The following ABITRAM variants were observed in gnomAD, a reference collection of about 807,000 sequenced individuals.
The protein encoded by ABITRAM is actin binding transcription modulator.
Under a neutral mutation model 22.9 loss-of-function variants are expected in ABITRAM, and 19 were observed. The observed-to-expected ratio is 0.83, with a 90% CI of 0.58 to 1.22. ABITRAM has a LOEUF of 1.22. Among genes scored for constraint, ABITRAM ranks in the 50% most tolerant of loss-of-function variants. The probability of loss-of-function intolerance (pLI) is 0.00; values close to 1 mark genes in which losing one functional copy is unlikely to be tolerated. For missense variants in ABITRAM, 215 were observed against 220.2 expected (o/e 0.98, Z 0.15); for synonymous variants, 70 against 73.9 (o/e 0.95, Z 0.27).
rs751783795 is a variant in ABITRAM, at chr9:108,939,366, T to A, written c.339-19T>A. ...TTTTAACTAAGTAAACATGCTGAAA[T>A]CTTAAATTTTTTTAATAGTTGTGTT... On this transcript the variant is annotated intron_variant, in intron 4 of 5. Coordinates refer to ENST00000322940, the MANE Select transcript of ABITRAM (RefSeq NM_017832.4). 2 of 1,599,326 alleles carry A rather than the reference T, an allele frequency of 1.3e-6. No homozygotes were observed. Among genetic ancestry groups the A allele is most frequent in the South Asian group, 2.3e-5 (2 of 87,632 alleles).
intron 5 of ABITRAM, 45 bp from the exon 6 acceptor site, chr9:108,939,504 T>G (rs370645320): frequency 1.9e-6 from 3 of 1,602,928 alleles, no homozygotes; most frequent in Non-Finnish European, 2.5e-6. Flanking sequence ...TTTTATTGGT[T>G]TTTTTTTCAT....
chr9:108,950,465 G>A, intron 3 of ABITRAM: 1 of 1,541,178 alleles, frequency 6.5e-7, no homozygotes, highest in East Asian at 2.4e-5. Flanking sequence ...CTAAACAGCA[G>A]CAAAATTTCT....
chr9:108,942,087 T>A (rs1830262625), downstream of ABITRAM, among the ~76,000 whole-genome samples: 2 of 152,196 alleles, frequency 1.3e-5, no homozygotes, highest in Admixed American at 1.3e-4. Context: ...CAGCTAATAT[T>A]CAGGGCAGAC....
At chr9:108,938,539 C>A (rs1264071686) in intron 3 of ABITRAM, among the ~76,000 whole-genome samples, 1 of 152,168 alleles carries the variant, frequency 6.6e-6, no homozygotes, top group African/African-American at 2.4e-5. Flanking sequence ...AATACATACA[C>A]ATCAAAATGT....
chr9:108,935,342 G>A (rs1033656928), intron 1 of ABITRAM, among the ~76,000 whole-genome samples: 1 of 152,154 alleles, frequency 6.6e-6, no homozygotes, highest in African/African-American at 2.4e-5. Flanking sequence ...GATGCTAATT[G>A]CATTTTCCTA....
At chr9:108,935,108 G>A (rs1210933502) in intron 1 of ABITRAM, among the ~76,000 whole-genome samples, 1 of 152,166 alleles carries the variant, frequency 6.6e-6, no homozygotes, top group African/African-American at 2.4e-5. Flanking sequence ...AACCAGTGGT[G>A]GGAGCATCGT....
downstream of ABITRAM, among the ~76,000 whole-genome samples, chr9:108,944,427 G>C (rs1167490333): frequency 6.6e-6 from 1 of 152,142 alleles, no homozygotes; most frequent in Non-Finnish European, 1.5e-5. Flanking sequence ...TTCCATCTAG[G>C]CAAGACAAAA....
intron 2 of ABITRAM, 94 bp from the exon 3 acceptor site, chr9:108,936,214 C>A: frequency 7.1e-7 from 1 of 1,412,852 alleles, no homozygotes; most frequent in Non-Finnish European, 9.6e-7. Context: ...TTTGACTAAA[C>A]AAATACCAGT....
chr9:108,944,272 G>A (rs986388566), downstream of ABITRAM, among the ~76,000 whole-genome samples: 12 of 152,238 alleles, frequency 7.9e-5, no homozygotes, highest in Admixed American at 6.5e-4. Flanking sequence ...CAATTATTCT[G>A]GAGGGTCACA....
downstream of ABITRAM, among the ~76,000 whole-genome samples, chr9:108,941,183 G>A (rs1259023989): frequency 2.6e-5 from 4 of 151,992 alleles, no homozygotes; most frequent in African/African-American, 9.7e-5. Flanking sequence ...CAACATTTTG[G>A]TTCATAGGAA....
exon 4 of ABITRAM, chr9:108,950,677 G>T (rs1830536766): frequency 1.3e-6 from 2 of 1,488,130 alleles, no homozygotes; most frequent in Admixed American, 2.4e-5. Context: ...CCCATAAAAG[G>T]AGGTGGATGC....
At position 108,939,660 on chromosome 9, in the gene ABITRAM, A is replaced by T. The variant is rs757654729; in HGVS notation, c.520A>T (p.Ile174Phe). 1.4e-5 allele frequency: 22 copies of T among 1,613,982 alleles called. No homozygotes were observed. The highest frequency in any genetic ancestry group is 1.8e-5 in the Non-Finnish European group (21 of 1,179,988). The change falls in exon 6 of 6, where the codon ATT (isoleucine) becomes TTT (phenylalanine). Residue 174 changes from isoleucine to phenylalanine, a missense_variant. Physicochemically the swap from Ile to Phe is conservative, Grantham distance 21 (BLOSUM62 0). Transcript: ENST00000322940. ...KQYEEVMVKR[I>F]NATTATS ...ATATGAAGAAGTCATGGTGAAACGC[A>T]TTAATGCCACAACAGCTACGTCATG...
intron 3 of ABITRAM, among the ~76,000 whole-genome samples, chr9:108,950,257 G>A (rs1830520921): frequency 6.6e-6 from 1 of 152,108 alleles, no homozygotes; most frequent in South Asian, 2.1e-4. Flanking sequence ...GTAAACACAG[G>A]AGTTCCATTT....
downstream of ABITRAM, among the ~76,000 whole-genome samples, chr9:108,942,053 G>GTCTAT (rs1830262142): frequency 6.6e-6 from 1 of 152,060 alleles, no homozygotes; most frequent in African/African-American, 2.4e-5. Flanking sequence ...TATCTTTTAA[G>GTCTAT]TCTATAAGAT....
In ABITRAM at chr9:108,939,670, C is replaced by A; in HGVS notation, c.530C>A (p.Thr177Lys). ...EEVMVKRINA[T>K]TATS is the part of the protein sequence containing the mutation. The stretch of plus-strand genomic sequence containing the variant: ...GTCATGGTGAAACGCATTAATGCCA[C>A]AACAGCTACGTCATGAGGATTGACA... The change falls in exon 6 of 6, where the codon ACA (threonine) becomes AAA (lysine). Residue 177 changes from threonine (T) to lysine (K), a missense_variant. By Grantham distance (78) the Thr-to-Lys change is moderately conservative. Transcript: ENST00000322940. 6.2e-7 allele frequency: 1 copy of A among 1,613,864 alleles called. No homozygotes were observed. Among genetic ancestry groups the A allele is most frequent in the Non-Finnish European group, 8.5e-7 (1 of 1,179,900 alleles).
downstream of ABITRAM, among the ~76,000 whole-genome samples, chr9:108,941,998 G>GTCTT (rs1190244729): frequency 6.6e-6 from 1 of 152,144 alleles, no homozygotes; most frequent in African/African-American, 2.4e-5. Context: ...TCCTTATTCT[G>GTCTT]TCTTTGTCTT....
intron 3 of ABITRAM, among the ~76,000 whole-genome samples, chr9:108,936,898 C>CATTTTGGGAG (rs1830195681): frequency 6.6e-6 from 1 of 151,828 alleles, no homozygotes; most frequent in Admixed American, 6.6e-5. Flanking sequence ...CACAATGGCT[C>CATTTTGGGAG]ACGCCTATAA....
At chr9:108,947,761 T>C (rs767900768) in intron 3 of ABITRAM, among the ~76,000 whole-genome samples, 1 of 152,206 alleles carries the variant, frequency 6.6e-6, no homozygotes, top group Non-Finnish European at 1.5e-5. Flanking sequence ...TAATACCCTC[T>C]AATAGTCTTA....
chr9:108,934,621 G>C (rs780087816), intron 1 of ABITRAM, 56 bp downstream of exon 1: 29 of 1,488,032 alleles, frequency 1.9e-5, no homozygotes, highest in Non-Finnish European at 2.5e-5. Context: ...ATGCTGTGTA[G>C]ACTATGTTGA....
Sources: allele counts gnomAD v4.1 joint callset (sites outside exome capture counted in the v4.1 genomes callset), GRCh38; gene constraint gnomAD v4.1.1; transcripts MANE v1.5; gene names NCBI Gene and HGNC (gene_info 2026-07-23, HGNC 2026-07-21).